Variants in PARD3 observed in about 807,000 individuals in gnomAD.
PARD3 encodes the protein par-3 family cell polarity regulator.
PARD3 carries 75 observed loss-of-function variants against 155.4 expected under a neutral mutation model. The ratio of observed to expected loss-of-function variants is 0.48; its 90% CI spans 0.40 to 0.58. The LOEUF is 0.58. Among genes scored for constraint, PARD3 ranks in the 20% least tolerant of loss-of-function variants. PARD3 has a pLI of 0.00. For missense variants in PARD3, 1,642 were observed against 1,721.7 expected, an observed-to-expected ratio of 0.95 and a Z score of 0.82; for synonymous variants, 576 against 610.5, an observed-to-expected ratio of 0.94 and a Z score of 0.83.
At chr10:34,744,461 C>A (rs1396769923) in intron 1 of PARD3, among the ~76,000 whole-genome samples, 1 of 152,246 alleles carries the variant, frequency 6.6e-6, no homozygotes, top group African/African-American at 2.4e-5. Context: ...CTGCCAGCAG[C>A]TTTGAGGTCT....
intron 2 of PARD3, among the ~76,000 whole-genome samples, chr10:34,524,599 C>A (rs2082354217): frequency 6.6e-6 from 1 of 152,198 alleles, no homozygotes; most frequent in South Asian, 2.1e-4. Context: ...TAGCCATCAG[C>A]TAACTGACCC....
intron 2 of PARD3, among the ~76,000 whole-genome samples, chr10:34,669,844 A>T (rs1411469409): frequency 6.6e-6 from 1 of 152,218 alleles, no homozygotes; most frequent in Admixed American, 6.5e-5. Flanking sequence ...AACATATTCC[A>T]AAAGGATGTA....
At position 34,696,080 on chromosome 10, in the gene PARD3, G is replaced by GGGA. The variant is rs2094166123; in HGVS notation, c.222+237_222+238insTCC. 2.0e-5 allele frequency among the ~76,000 whole-genome samples: 3 copies of GGGA among 152,288 alleles called. No homozygotes were observed. In the South Asian group the frequency reaches 6.2e-4, roughly 32 times the overall value. On this transcript the variant is annotated intron_variant, in intron 2 of 24. Coordinates refer to ENST00000374788, the MANE Select transcript of PARD3 (RefSeq NM_001184785.2). Reference sequence around the variant, plus strand: ...GTGATATTTCCATTGTAAAAGTGTAGTTTTAAAACCCCAAAACCTAGTGTT... The same window carrying GGGA: ...GTGATATTTCCATTGTAAAAGTGTAGGGATTTTAAAACCCCAAAACCTAGTGTT...
intron 15 of PARD3, among the ~76,000 whole-genome samples, chr10:34,342,553 T>C (rs1057279329): frequency 1.3e-5 from 2 of 152,082 alleles, no homozygotes; most frequent in African/African-American, 4.8e-5. Flanking sequence ...AAAAGATGAG[T>C]ATTACCAAAA....
chr10:34,805,442 A>C (rs1843248827), intron 1 of PARD3, among the ~76,000 whole-genome samples: 1 of 151,982 alleles, frequency 6.6e-6, no homozygotes, highest in Non-Finnish European at 1.5e-5. Flanking sequence ...GAATAGTTAA[A>C]AACACCAAGA....
At chr10:34,806,145 G>A (rs750429819) in intron 1 of PARD3, among the ~76,000 whole-genome samples, 2 of 149,486 alleles carry the variant, frequency 1.3e-5, no homozygotes, top group Non-Finnish European at 3.0e-5. Flanking sequence ...ATCCTCCCAC[G>A]TCAGCCTCCT....
At chr10:34,393,914 T>C (rs979202350) in intron 7 of PARD3, among the ~76,000 whole-genome samples, 3 of 150,926 alleles carry the variant, frequency 2.0e-5, no homozygotes, top group Non-Finnish European at 4.4e-5. Context: ...CTCAGCTCAC[T>C]GCAACCTCCA....
chr10:34,655,375 T>A (rs938728589), intron 2 of PARD3, among the ~76,000 whole-genome samples: 2 of 152,158 alleles, frequency 1.3e-5, no homozygotes, highest in Non-Finnish European at 2.9e-5. Context: ...GTTTTATGTA[T>A]AACACACAAT....
chr10:34,478,493 A>C (rs1280901792), intron 3 of PARD3, among the ~76,000 whole-genome samples: 1 of 152,238 alleles, frequency 6.6e-6, no homozygotes, highest in East Asian at 1.9e-4. Context: ...CAATGGTTGC[A>C]CTGAATCCAA....
rs1042236708 is a variant in PARD3, at chr10:34,447,860, A to C, written c.714+2457T>G. 2.6e-5 allele frequency among the ~76,000 whole-genome samples: 4 copies of C among 152,058 alleles called. No individual in the cohort carries two copies. In the East Asian group the frequency reaches 5.8e-4, roughly 22 times the overall value. On this transcript the variant is annotated intron_variant, in intron 5 of 24. Coordinates refer to ENST00000374788, the MANE Select transcript of PARD3 (RefSeq NM_001184785.2). ...AAAGTGATAACAAGGATGCGAAGAG[A>C]AGGAAACCCTGGTATACTGCTGGTG...
chr10:34,161,782 A>G (rs530210571), intron 22 of PARD3, among the ~76,000 whole-genome samples: 1 of 152,210 alleles, frequency 6.6e-6, no homozygotes, highest in East Asian at 1.9e-4. Flanking sequence ...AAGATGCCCT[A>G]TATCTGTGAC....
chr10:34,434,278 G>A lies in PARD3; in HGVS notation c.714+16039C>T, dbSNP rs80316803. Among the ~76,000 whole-genome samples, 469 of 152,294 alleles carry A rather than the reference G, an allele frequency of 3.1e-3. 1 individual carries two copies. The highest frequency in any genetic ancestry group is 0.011 in the African/African-American group (446 of 41,568). ...GATCCACATGGTGAAGGAACATCAG[G>A]AAGACTCAAAAAGGACAAAAACACC... On this transcript the variant is annotated intron_variant, in intron 5 of 24. Transcript: ENST00000374788.
At position 34,470,149 on chromosome 10, in the gene PARD3, C is replaced by G; in HGVS notation, c.518G>C (p.Trp173Ser). 2 of 1,613,362 alleles carry G rather than the reference C, an allele frequency of 1.2e-6. No homozygotes were observed. Among genetic ancestry groups the G allele is most frequent in the Non-Finnish European group, 1.7e-6 (2 of 1,179,728 alleles). ...CTTGAGGAAGCCAGCTGTTGTTGACCAGCGTGTGGGATTTTTCCTTGAAGG... is the reference window on the plus strand; with the variant it reads ...CTTGAGGAAGCCAGCTGTTGTTGACGAGCGTGTGGGATTTTTCCTTGAAGG... ...EEPSRKNPTR[W>S]STTAGFLKQN... The change falls in exon 4 of 25, where the codon TGG (tryptophan) becomes TCG (serine). Residue 173 changes from tryptophan to serine, a missense_variant. By Grantham distance (177) the Trp-to-Ser change is radical. Transcript: ENST00000374788.
At chr10:34,691,400 C>T (rs2094059351) in intron 2 of PARD3, among the ~76,000 whole-genome samples, 1 of 152,124 alleles carries the variant, frequency 6.6e-6, no homozygotes, top group Admixed American at 6.6e-5. Context: ...AACGAAAGAT[C>T]TCTACAATGA....
chr10:34,566,790 A>G (rs1003245610), intron 2 of PARD3, among the ~76,000 whole-genome samples: 14 of 152,198 alleles, frequency 9.2e-5, no homozygotes, highest in African/African-American at 3.4e-4. Context: ...CCATTCCCAC[A>G]TCAGGCCAAA....
chr10:34,517,300 C>A, intron 2 of PARD3, 141 bp from the exon 3 acceptor site: 1 of 677,140 alleles, frequency 1.5e-6, no homozygotes, highest in Non-Finnish European at 2.3e-6. Context: ...CGAAGAAAAA[C>A]CTCAAAGAAA....
At chr10:34,345,586 C>G (rs1837328550) in intron 15 of PARD3, 1 of 985,134 alleles carries the variant, frequency 1.0e-6, no homozygotes, top group Admixed American at 6.2e-5. Context: ...CTGTGCAAAT[C>G]AATAAACACT....
chr10:34,504,965 T>C (rs2080963459), intron 3 of PARD3, among the ~76,000 whole-genome samples: 1 of 152,080 alleles, frequency 6.6e-6, no homozygotes, highest in Non-Finnish European at 1.5e-5. Flanking sequence ...TAATCCACAA[T>C]ATGGGTCTCT....
intron 5 of PARD3, among the ~76,000 whole-genome samples, chr10:34,432,066 A>T (rs1471314756): frequency 6.7e-6 from 1 of 148,772 alleles, no homozygotes; most frequent in East Asian, 1.9e-4. Flanking sequence ...AAAAAAAAAA[A>T]AAAAAGAATG....
Sources: allele counts gnomAD v4.1 joint callset (sites outside exome capture counted in the v4.1 genomes callset), GRCh38; gene constraint gnomAD v4.1.1; transcripts MANE v1.5; gene names NCBI Gene and HGNC (gene_info 2026-07-23, HGNC 2026-07-21).